The following ITGA2B variants were observed in gnomAD, a reference collection of about 807,000 sequenced individuals.
ITGA2B encodes the protein integrin alpha-IIb.
A neutral mutation model predicts 142.0 loss-of-function variants in ITGA2B; 91 were observed. That is an observed-to-expected ratio of 0.64 (90% CI 0.54 to 0.76). The LOEUF (loss-of-function observed/expected upper bound fraction) is 0.76, where lower values mean the gene tolerates loss of function less well. ITGA2B is among the 30% of genes least tolerant of loss of function. The pLI, the probability that ITGA2B is intolerant of heterozygous loss-of-function variation, is 0.00. For missense variants in ITGA2B, 1,231 were observed against 1,350.8 expected (o/e 0.91, Z 1.39); for synonymous variants, 536 against 567.2 (o/e 0.94, Z 0.78).
rs1212350676 is a variant in ITGA2B, at chr17:44,374,989, C to G, written c.2841+9G>C. On this transcript the variant is annotated intron_variant, in intron 27 of 29. Transcript: ENST00000262407. ...AGGCCCGGCCCCGCCCCACCACGGC[C>G]CACCCCACCTGGTAGAGGCTGGGCA... is the stretch of plus-strand genomic sequence containing the variant. The G allele has an allele frequency of 7.2e-6, 11 of 1,537,186 alleles. No homozygotes were observed. Among genetic ancestry groups the G allele is most frequent in the South Asian group, 1.2e-5 (1 of 83,924 alleles).
Position 44,374,985 on chromosome 17 carries a change from C to A in ITGA2B, c.2841+13G>T, listed in dbSNP as rs558502381. 2.0e-6 allele frequency: 3 copies of A among 1,517,006 alleles called. No individual in the cohort carries two copies. Among genetic ancestry groups the A allele is most frequent in the Non-Finnish European group, 8.9e-7 (1 of 1,126,786 alleles). 94.0% of individuals were successfully genotyped at this position (1,517,006 alleles called of 1,614,324 possible). A position where few individuals can be genotyped will look rare whatever the true frequency, so the allele number is the denominator to read the frequency against. ...CAGAAGGCCCGGCCCCGCCCCACCA[C>A]GGCCCACCCCACCTGGTAGAGGCTG... On this transcript the variant is annotated intron_variant, in intron 27 of 29. Transcript: ENST00000262407.
chr17:44,380,119 C>T lies in ITGA2B; in HGVS notation c.1635G>A (p.Lys545=), dbSNP rs765361433. The change falls in exon 17 of 30, where the codon AAG becomes AAA. Residue 545 remains lysine (K), a synonymous_variant. Coordinates refer to ENST00000262407, the MANE Select transcript of ITGA2B (RefSeq NM_000419.5). ...GCAGCACCCGCCGGCCCTGGCGGGG[C>T]TTCTGCCGGTCCAGCTGCAGCTCGG... ...LNAELQLDRQ[K]PRQGRRVLLL... 15 of 1,613,880 alleles carry T rather than the reference C, an allele frequency of 9.3e-6. No homozygotes were observed. The highest frequency in any genetic ancestry group is 3.3e-5 in the South Asian group (3 of 91,074).
chr17:44,375,247 T>C (rs1397243332), intron 26 of ITGA2B, 136 bp from the exon 27 acceptor site: 4 of 752,650 alleles, frequency 5.3e-6, no homozygotes, highest in Non-Finnish European at 9.2e-6. Context: ...GGAAGGGCCT[T>C]GGATCCAAGC....
chr17:44,379,004 G>A (rs1346616568), intron 18 of ITGA2B, among the ~76,000 whole-genome samples: 1 of 152,100 alleles, frequency 6.6e-6, no homozygotes, highest in African/African-American at 2.4e-5. Context: ...GGAGTGCAGT[G>A]GCACTATCTC....
chr17:44,374,617 G>T (rs372198109), intron 28 of ITGA2B, 42 bp downstream of exon 28: 1 of 1,573,654 alleles, frequency 6.4e-7, no homozygotes, highest in African/African-American at 1.4e-5. Flanking sequence ...GGGGACAATG[G>T]GTCCTGCAGG....
intron 12 of ITGA2B, among the ~76,000 whole-genome samples, chr17:44,382,149 T>C (rs2048602897): frequency 6.6e-6 from 1 of 151,996 alleles, no homozygotes; most frequent in South Asian, 2.1e-4. Flanking sequence ...CCCTGAGGCA[T>C]CACAGGGACT....
At position 44,385,515 on chromosome 17, in the gene ITGA2B, G is replaced by T. The variant is rs373794183; in HGVS notation, c.574+36C>A. On this transcript the variant is annotated intron_variant, in intron 4 of 29. Coordinates refer to ENST00000262407, the MANE Select transcript of ITGA2B (RefSeq NM_000419.5). ...CCGATGGGGGCGGGGCCAAGCCGTC[G>T]CGAGTGGGCGGGGCCAGGTCGTAGC... 4.3e-5 allele frequency: 66 copies of T among 1,537,108 alleles called. No homozygotes were observed. The South Asian group carries it at 6.9e-4, about 16-fold the overall frequency.
At chr17:44,385,515 G>A (rs373794183) in intron 4 of ITGA2B, 36 bp downstream of exon 4, 421 of 1,537,106 alleles carry the variant, frequency 2.7e-4, no homozygotes, top group Non-Finnish European at 3.5e-4. Flanking sequence ...CCAAGCCGTC[G>A]CGAGTGGGCG....
In ITGA2B at chr17:44,377,006, T is replaced by C. The variant is rs762518735; in HGVS notation, c.2267+3A>G. The C allele has an allele frequency of 1.9e-6, 3 of 1,584,448 alleles. No homozygotes were observed. The highest frequency in any genetic ancestry group is 2.3e-5 in the South Asian group (2 of 87,014). On this transcript the variant is annotated splice_donor_region_variant and intron_variant, in intron 22 of 29. Transcript: ENST00000262407. The stretch of plus-strand genomic sequence containing the variant: ...TGGGTAGGCACGCTCGCCAGGTCAG[T>C]ACCTCCGTATCTGCAGCTGGAAGGA...
At chr17:44,385,790 G>T in intron 3 of ITGA2B, 34 bp downstream of exon 3, 1 of 1,609,346 alleles carries the variant, frequency 6.2e-7, no homozygotes, top group Non-Finnish European at 8.5e-7. Context: ...CCCTGCCCCC[G>T]ATTGTTCCCT....
chr17:44,381,084 A>G (rs763899502), intron 12 of ITGA2B, 23 bp from the exon 13 acceptor site: 2 of 1,610,950 alleles, frequency 1.2e-6, no homozygotes, highest in East Asian at 4.5e-5. Context: ...ACAGAAAGGA[A>G]GTGGCTGATT....
intron 1 of ITGA2B, among the ~76,000 whole-genome samples, chr17:44,388,960 C>T (rs538300373): frequency 1.1e-4 from 16 of 151,998 alleles, no homozygotes; most frequent in Admixed American, 9.8e-4. Flanking sequence ...CCACCGCGCC[C>T]GGCCTCCTCT....
At chr17:44,386,280 ACTT>A in intron 1 of ITGA2B, 149 bp from the exon 2 acceptor site, 3 of 1,250,650 alleles carry the variant, frequency 2.4e-6, no homozygotes, top group Admixed American at 2.1e-5. Context: ...ACCGTGATGT[ACTT>A]CTTCATCTTA....
At chr17:44,373,517 C>T (rs778443935) in intron 29 of ITGA2B, among the ~76,000 whole-genome samples, 8 of 152,252 alleles carry the variant, frequency 5.3e-5, no homozygotes, top group South Asian at 4.1e-4. Flanking sequence ...GGGTCTAGTG[C>T]GTGGTTTTCC....
rs1213760005 is a variant in ITGA2B, at chr17:44,382,358, G to C, written c.1210+1135C>G. Among the ~76,000 whole-genome samples, 5 of 151,350 alleles carry C rather than the reference G, an allele frequency of 3.3e-5. No individual in the cohort carries two copies. In the South Asian group the frequency reaches 1.0e-3, roughly 32 times the overall value. On this transcript the variant is annotated intron_variant, in intron 12 of 29. Coordinates refer to ENST00000262407, the MANE Select transcript of ITGA2B (RefSeq NM_000419.5). ...TTTTTACCACAAACCTGTTGAAAGA[G>C]CTGTCTACATTAGCTGCATCCAATT...
Position 44,378,701 on chromosome 17 carries a change from C to T in ITGA2B, c.1888G>A (p.Val630Ile), listed in dbSNP as rs1271568680. 12 of 1,556,344 alleles carry T rather than the reference C, an allele frequency of 7.7e-6. No individual in the cohort carries two copies. The highest frequency in any genetic ancestry group is 3.9e-5 in the Admixed American group (2 of 51,402). Reference sequence around the variant, plus strand: ...ACGTCATCTTCCCCACAGTCCAGGACGATTCGTGTCTAGAGGGGCACATTG... The same window carrying T: ...ACGTCATCTTCCCCACAGTCCAGGATGATTCGTGTCTAGAGGGGCACATTG... Reference protein sequence around the residue: ...DTHVQEQTRIVLDCGEDDVCV... With the variant: ...DTHVQEQTRIILDCGEDDVCV... The change falls in exon 19 of 30, where the codon GTC becomes ATC. Residue 630 changes from valine (V) to isoleucine (I), a missense_variant. By Grantham distance (29) the Val-to-Ile change is conservative (BLOSUM62 3). Transcript: ENST00000262407.
In ITGA2B at chr17:44,383,531, A is replaced by G; in HGVS notation, c.1172T>C (p.Ile391Thr). 6.2e-7 allele frequency: 1 copy of G among 1,611,286 alleles called. No individual in the cohort carries two copies. The highest frequency in any genetic ancestry group is 1.1e-5 in the South Asian group (1 of 90,784). ...CCGGTCGAGGTCGCCCAGGGGTGCG[A>G]TGGCAGAGCCGAATCGCCCATAGAG... ...TQLYGRFGSA[I>T]APLGDLDRDG... Residue 391 changes from isoleucine (I) to threonine (T), a missense_variant, in exon 12 of 30, where the codon ATC (isoleucine) becomes ACC (threonine). Ile to Thr is a moderately conservative substitution (Grantham distance 89). Coordinates refer to ENST00000262407, the MANE Select transcript of ITGA2B (RefSeq NM_000419.5).
rs2048681091 is a variant in ITGA2B at position 44,389,621 on chromosome 17, A to G, written c.-148T>C. ...CAGAGCAAAGGGCTATAGCCCCTGG[A>G]CTCATGGTGGCTAGAATTGCCAGGA... is the stretch of plus-strand genomic sequence containing the variant. On this transcript the variant is annotated 5_prime_UTR_variant, in exon 1 of 30. Coordinates refer to ENST00000262407, the MANE Select transcript of ITGA2B (RefSeq NM_000419.5). The G allele has an allele frequency of 1.2e-6, 1 of 867,470 alleles. No individual in the cohort carries two copies. Among genetic ancestry groups the G allele is most frequent in the Non-Finnish European group, 1.8e-6 (1 of 562,728 alleles). 53.7% of individuals were successfully genotyped at this position (867,470 alleles called of 1,614,324 possible).
intron 1 of ITGA2B, 42 bp from the exon 2 acceptor site, chr17:44,386,173 T>C (rs1408792222): frequency 6.4e-7 from 1 of 1,554,314 alleles, no homozygotes; most frequent in Admixed American, 1.9e-5. Flanking sequence ...GATTCCAGCG[T>C]ATCCCAGGCC....
Sources: allele counts gnomAD v4.1 joint callset (sites outside exome capture counted in the v4.1 genomes callset), GRCh38; gene constraint gnomAD v4.1.1; transcripts MANE v1.5; gene names NCBI Gene and HGNC (gene_info 2026-07-23, HGNC 2026-07-21).